The following MBD2 variants were observed in gnomAD, a reference collection of about 807,000 sequenced individuals.
MBD2 encodes the protein methyl-CpG binding domain protein 2, also known as methyl-CpG-binding domain protein 2.
Under a neutral mutation model 39.3 loss-of-function variants are expected in MBD2, and 9 were observed. The ratio of observed to expected loss-of-function variants is 0.23; its 90% CI spans 0.14 to 0.40. MBD2 has a LOEUF of 0.40. MBD2 is among the 10% of genes least tolerant of loss of function. The pLI is 1.00. For synonymous variants in MBD2, 233 were observed against 211.1 expected (o/e 1.10, Z -0.90); for missense variants, 458 against 532.6 (o/e 0.86, Z 1.38).
intron 3 of MBD2, among the ~76,000 whole-genome samples, chr18:54,169,274 C>T (rs922081260): frequency 1.3e-5 from 2 of 152,190 alleles, no homozygotes; most frequent in Non-Finnish European, 2.9e-5. Context: ...TCGCCCTTTC[C>T]CAAGTCTACT....
intron 3 of MBD2, among the ~76,000 whole-genome samples, chr18:54,186,869 T>G (rs2086290085): frequency 6.6e-6 from 1 of 152,228 alleles, no homozygotes; most frequent in Non-Finnish European, 1.5e-5. Flanking sequence ...GTAAGTTTTT[T>G]GGGGAGAGAT....
chr18:54,192,636 G>A (rs1024399923), intron 2 of MBD2, among the ~76,000 whole-genome samples: 4 of 152,172 alleles, frequency 2.6e-5, no homozygotes, highest in African/African-American at 7.2e-5. Flanking sequence ...GTCTGCATGA[G>A]TAAACATATT....
At chr18:54,206,796 G>A (rs1306769838) in intron 1 of MBD2, among the ~76,000 whole-genome samples, 1 of 152,142 alleles carries the variant, frequency 6.6e-6, no homozygotes, top group African/African-American at 2.4e-5. Context: ...AGAGGAAAGA[G>A]TACAGGATTC....
chr18:54,172,932 T>G (rs1273298841), intron 3 of MBD2, among the ~76,000 whole-genome samples: 2 of 152,252 alleles, frequency 1.3e-5, no homozygotes, highest in Non-Finnish European at 2.9e-5. Context: ...ACATGCCCAG[T>G]ACACAGCAAC....
At chr18:54,192,645 T>A (rs1311109059) in intron 2 of MBD2, among the ~76,000 whole-genome samples, 1 of 152,168 alleles carries the variant, frequency 6.6e-6, no homozygotes, top group African/African-American at 2.4e-5. Context: ...AGTAAACATA[T>A]TCAAACCTGT....
At chr18:54,176,445 T>G (rs2086213222) in intron 3 of MBD2, among the ~76,000 whole-genome samples, 1 of 152,256 alleles carries the variant, frequency 6.6e-6, no homozygotes, top group South Asian at 2.1e-4. Flanking sequence ...TGAATGAATA[T>G]CTTACTTTCA....
intron 5 of MBD2, among the ~76,000 whole-genome samples, chr18:54,162,034 A>C (rs1030599113): frequency 6.6e-5 from 10 of 152,190 alleles, no homozygotes; most frequent in Non-Finnish European, 1.5e-4. Context: ...ATAGCCAAGA[A>C]GAGAACAGGG....
chr18:54,219,664 A>G (rs1009864018), intron 1 of MBD2, among the ~76,000 whole-genome samples: 1 of 152,154 alleles, frequency 6.6e-6, no homozygotes, highest in African/African-American at 2.4e-5. Flanking sequence ...TACTACATGG[A>G]GGGTCCATTT....
At chr18:54,157,992 G>T (rs2086066189) in intron 6 of MBD2, among the ~76,000 whole-genome samples, 1 of 151,786 alleles carries the variant, frequency 6.6e-6, no homozygotes, top group South Asian at 2.1e-4. Context: ...CATCCCAACT[G>T]GTCTCCTTGC....
chr18:54,211,426 A>AC (rs2086506609), intron 1 of MBD2, among the ~76,000 whole-genome samples: 2 of 126,130 alleles, frequency 1.6e-5, no homozygotes, highest in African/African-American at 5.5e-5. Flanking sequence ...CACACACGCA[A>AC]GCACGCACGA....
chr18:54,159,140 T>C (rs936139007), intron 6 of MBD2, among the ~76,000 whole-genome samples: 13 of 152,264 alleles, frequency 8.5e-5, no homozygotes, highest in African/African-American at 3.1e-4. Context: ...CGTTCCTCCC[T>C]ACATGACAAA....
chr18:54,219,434 C>T (rs367915949), intron 1 of MBD2, among the ~76,000 whole-genome samples: 1 of 151,976 alleles, frequency 6.6e-6, no homozygotes, highest in East Asian at 1.9e-4. Flanking sequence ...GGCATTGTGT[C>T]GAGGGGAAAG....
At chr18:54,203,865 A>C (rs2086428388) in intron 2 of MBD2, among the ~76,000 whole-genome samples, 1 of 152,228 alleles carries the variant, frequency 6.6e-6, no homozygotes, top group Non-Finnish European at 1.5e-5. Flanking sequence ...GAATTAACAT[A>C]GGTCAAATTT....
intron 6 of MBD2, among the ~76,000 whole-genome samples, chr18:54,156,714 A>T (rs537515812): frequency 5.3e-5 from 8 of 152,238 alleles, no homozygotes; most frequent in Admixed American, 1.3e-4. Flanking sequence ...TTAACTGGGC[A>T]TGGTGTCAGG....
chr18:54,195,183 T>C (rs974683574), intron 2 of MBD2, among the ~76,000 whole-genome samples: 10 of 152,090 alleles, frequency 6.6e-5, no homozygotes, highest in African/African-American at 1.7e-4. Flanking sequence ...CCACACAGCA[T>C]AGTTTGAGCA....
At chr18:54,218,679 T>C (rs2086582857) in intron 1 of MBD2, among the ~76,000 whole-genome samples, 2 of 152,150 alleles carry the variant, frequency 1.3e-5, no homozygotes, top group Admixed American at 6.5e-5. Context: ...TCCAGTATGA[T>C]AGGCTGGGCG....
intron 3 of MBD2, among the ~76,000 whole-genome samples, chr18:54,179,953 C>T (rs942756492): frequency 4.6e-5 from 1 of 21,852 alleles, no homozygotes; most frequent in Admixed American, 3.6e-4. Flanking sequence ...GAAAGAAAAA[C>T]TCTCATTGAC....
chr18:54,200,814 T>A (rs1046884597), intron 2 of MBD2, among the ~76,000 whole-genome samples: 19 of 152,142 alleles, frequency 1.2e-4, no homozygotes, highest in Non-Finnish European at 2.1e-4. Flanking sequence ...GCGCGGTGGC[T>A]CACGTCTGTA....
intron 3 of MBD2, among the ~76,000 whole-genome samples, chr18:54,181,626 G>A (rs1237046843): frequency 6.6e-6 from 1 of 152,098 alleles, no homozygotes; most frequent in Non-Finnish European, 1.5e-5. Flanking sequence ...AGCCTCCCAA[G>A]TAGCTGGGAT....
Sources: gnomAD v4.1 joint callset for allele counts (sites outside exome capture counted in the v4.1 genomes callset) on GRCh38, gnomAD v4.1.1 for gene constraint, MANE v1.5 for transcripts, NCBI Gene and HGNC (gene_info 2026-07-23, HGNC 2026-07-21) for gene names.